The following TLL1 variants were observed in gnomAD, a reference collection of about 807,000 sequenced individuals.
TLL1 encodes tolloid-like protein 1.
In TLL1, 49 loss-of-function variants were observed where a neutral mutation model predicts 128.2. The observed-to-expected ratio is 0.38, with a 90% CI of 0.30 to 0.48. The LOEUF (loss-of-function observed/expected upper bound fraction) is 0.48, where lower values mean the gene tolerates loss of function less well. TLL1 is among the 20% of genes least tolerant of loss of function. The probability of loss-of-function intolerance (pLI) is 0.96; values close to 1 mark genes in which losing one functional copy is unlikely to be tolerated. For synonymous variants in TLL1, 454 were observed against 418.8 expected (o/e 1.08, Z -1.03); for missense variants, 1,123 against 1,242.0 (o/e 0.90, Z 1.44).
At position 165,926,757 on chromosome 4, in the gene TLL1, C is replaced by CA. The variant is rs531964528; in HGVS notation, c.169+52686dup. Reference sequence around the variant, plus strand: ...AAGTCAGGAGCTAGAAGCCAGACTCCAAGAATTCCCAGCCAGCTAGCTTTA... The same window carrying CA: ...AAGTCAGGAGCTAGAAGCCAGACTCCAAAGAATTCCCAGCCAGCTAGCTTTA... On this transcript the variant is annotated intron_variant, in intron 1 of 20. Coordinates refer to ENST00000061240, the MANE Select transcript of TLL1 (RefSeq NM_012464.5). Among the ~76,000 whole-genome samples the CA allele has an allele frequency of 1.8e-4, 28 of 152,228 alleles. No individual in the cohort carries two copies. In the South Asian group the frequency reaches 5.8e-3, roughly 32 times the overall value.
At position 165,994,255 on chromosome 4, in the gene TLL1, A is replaced by G. The variant is rs61476279; in HGVS notation, c.362-126A>G. 0.013 allele frequency: 13,945 copies of G among 1,109,392 alleles called. 1,229 individuals are homozygous for G. The African/African-American group carries it at 0.19, about 15-fold the overall frequency. 68.7% of individuals were successfully genotyped at this position (1,109,392 alleles called of 1,614,324 possible). A position where few individuals can be genotyped will look rare whatever the true frequency, so the allele number is the denominator to read the frequency against. The stretch of plus-strand genomic sequence containing the variant: ...TATAACTGAAGTTTTTCTTTAATGC[A>G]TTTTGACTTCTGGCATTTATACAAA... On this transcript the variant is annotated intron_variant, in intron 3 of 20. Coordinates refer to ENST00000061240, the MANE Select transcript of TLL1 (RefSeq NM_012464.5).
chr4:165,875,094 C>T (rs780969665), intron 1 of TLL1: 2 of 152,650 alleles, frequency 1.3e-5, no homozygotes, highest in African/African-American at 4.8e-5. Flanking sequence ...GCTAACCTAG[C>T]AGAGCGGTTT....
chr4:165,972,132 A>T (rs1417018587), intron 1 of TLL1, among the ~76,000 whole-genome samples: 1 of 152,142 alleles, frequency 6.6e-6, no homozygotes, highest in Non-Finnish European at 1.5e-5. Context: ...TGTGTGAATC[A>T]TACTTATATA....
chr4:165,913,746 G>A (rs1014338147), intron 1 of TLL1, among the ~76,000 whole-genome samples: 1 of 152,172 alleles, frequency 6.6e-6, no homozygotes, highest in Non-Finnish European at 1.5e-5. Context: ...GGGCACCGTG[G>A]TTCACACCTG....
intron 2 of TLL1, among the ~76,000 whole-genome samples, chr4:165,989,842 T>C (rs938537153): frequency 1.3e-5 from 2 of 151,852 alleles, no homozygotes; most frequent in African/African-American, 2.4e-5. Flanking sequence ...AGCTTTCTTA[T>C]CGTCACATCA....
intron 9 of TLL1, among the ~76,000 whole-genome samples, chr4:166,032,174 A>G (rs1380521611): frequency 1.3e-5 from 2 of 152,126 alleles, no homozygotes; most frequent in South Asian, 2.1e-4. Context: ...ATTAAAATAT[A>G]ACATATTTTA....
intron 11 of TLL1, 121 bp downstream of exon 11, chr4:166,042,264 G>T: frequency 1.4e-6 from 1 of 717,732 alleles, no homozygotes; most frequent in African/African-American, 1.8e-5. Context: ...TTCTGAATCT[G>T]TATTATAATA....
At position 165,910,985 on chromosome 4, in the gene TLL1, G is replaced by A. The variant is rs184216014; in HGVS notation, c.169+36912G>A. Among the ~76,000 whole-genome samples the A allele has an allele frequency of 1.0e-3, 158 of 152,024 alleles. 3 individuals are homozygous for A. The East Asian group carries it at 0.03, about 29-fold the overall frequency. ...GAATAGAATGTGTAATGATCAAGTT[G>A]GGGCATTTAGGATATCCATCACTTT... On this transcript the variant is annotated intron_variant, in intron 1 of 20. Transcript: ENST00000061240.
chr4:165,885,743 T>G (rs1731140105), intron 1 of TLL1, among the ~76,000 whole-genome samples: 1 of 152,094 alleles, frequency 6.6e-6, no homozygotes, highest in Admixed American at 6.5e-5. Context: ...AATGGATTGG[T>G]ATATTGGGAT....
intron 1 of TLL1, among the ~76,000 whole-genome samples, chr4:165,903,214 C>T (rs1053590049): frequency 4.0e-5 from 6 of 151,654 alleles, no homozygotes; most frequent in South Asian, 2.1e-4. Context: ...GGTGCATGCC[C>T]GTGGTCTCAG....
chr4:165,973,983 G>C (rs969033799), intron 1 of TLL1, among the ~76,000 whole-genome samples: 3 of 151,272 alleles, frequency 2.0e-5, no homozygotes, highest in African/African-American at 7.3e-5. Context: ...GTTCTTAATA[G>C]GATCAGAGAA....
At chr4:166,065,924 T>C in intron 16 of TLL1, 61 bp downstream of exon 16, 4 of 1,194,554 alleles carry the variant, frequency 3.3e-6, no homozygotes, top group Non-Finnish European at 4.3e-6. Flanking sequence ...TTGGATTAAA[T>C]TGTATGTGAT....
At chr4:165,987,588 G>C (rs746797154) in intron 1 of TLL1, among the ~76,000 whole-genome samples, 1 of 152,056 alleles carries the variant, frequency 6.6e-6, no homozygotes, top group African/African-American at 2.4e-5. Context: ...TGGAAATAGG[G>C]CCAGTGAGGG....
At chr4:166,052,106 CT>C (rs1474263268) in intron 12 of TLL1, among the ~76,000 whole-genome samples, 1 of 151,952 alleles carries the variant, frequency 6.6e-6, no homozygotes, top group Non-Finnish European at 1.5e-5. Context: ...TATCCTATTT[CT>C]TTTTAATCAT....
At chr4:166,075,134 A>G in intron 17 of TLL1, 131 bp downstream of exon 17, 2 of 1,298,822 alleles carry the variant, frequency 1.5e-6, no homozygotes, top group Non-Finnish European at 1.1e-6. Flanking sequence ...GTCAAAAAAC[A>G]AAATTCTGTG....
At position 166,091,129 on chromosome 4, in the gene TLL1, C is replaced by A. The variant is rs200047769; in HGVS notation, c.2444C>A (p.Ala815Asp). The A allele has an allele frequency of 1.4e-5, 23 of 1,610,206 alleles. No homozygotes were observed. The Admixed American group carries it at 3.5e-4, about 25-fold the overall frequency. Residue 815 changes from alanine (A) to aspartate (D), a missense_variant and splice_region_variant, in exon 19 of 21, where the codon GCC (alanine) becomes GAC (aspartate). This residue lies in a region of TLL1 where 634 missense variants were observed against 672.4 expected (regional missense o/e 0.94). Coordinates refer to ENST00000061240, the MANE Select transcript of TLL1 (RefSeq NM_012464.5). ...AATTATTTCTTCTTTTTAAAAAAGG[C>A]CTTTAGTGAATTTGAGATTGAGCAG... ...SATPGHRIKL[A>D]FSEFEIEQHQ...
At chr4:165,935,528 CT>C (rs1435073843) in intron 1 of TLL1, among the ~76,000 whole-genome samples, 2 of 152,200 alleles carry the variant, frequency 1.3e-5, no homozygotes, top group East Asian at 3.8e-4. Flanking sequence ...GAATTACAAG[CT>C]GAATACCCAT....
intron 11 of TLL1, 133 bp downstream of exon 11, chr4:166,042,276 T>C (rs1739273096): frequency 1.5e-6 from 1 of 652,488 alleles, no homozygotes; most frequent in Non-Finnish European, 2.8e-6. Flanking sequence ...ATTATAATAT[T>C]CATACAGATA....
At chr4:165,999,104 T>G (rs1424763815) in intron 5 of TLL1, among the ~76,000 whole-genome samples, 1 of 152,094 alleles carries the variant, frequency 6.6e-6, no homozygotes, top group African/African-American at 2.4e-5. Context: ...TCAACAAGTC[T>G]CTAGGAAGTT....
Sources: gnomAD v4.1 joint callset for allele counts (sites outside exome capture counted in the v4.1 genomes callset) on GRCh38, gnomAD v4.1.1 for gene constraint, gnomAD v4.1.1 regional missense constraint, MANE v1.5 for transcripts, NCBI Gene and HGNC (gene_info 2026-07-23, HGNC 2026-07-21) for gene names.